The following CSMD1 variants were observed in gnomAD, a reference collection of about 807,000 sequenced individuals.
CSMD1 encodes the protein CUB and sushi domain-containing protein 1.
Under a neutral mutation model 417.5 loss-of-function variants are expected in CSMD1, and 213 were observed. The ratio of observed to expected loss-of-function variants is 0.51; its 90% CI spans 0.46 to 0.57. The LOEUF (loss-of-function observed/expected upper bound fraction) is 0.57. Among genes scored for constraint, CSMD1 ranks in the 20% least tolerant of loss-of-function variants. The pLI is 0.00. For missense variants in CSMD1, 6,923 were observed against 4,529.7 expected, an observed-to-expected ratio of 1.53 and a Z score of -15.17; for synonymous variants, 2,862 against 1,736.8, an observed-to-expected ratio of 1.65 and a Z score of -16.11.
chr8:4,422,761 C>A (rs1262735751), intron 2 of CSMD1, among the ~76,000 whole-genome samples: 1 of 151,984 alleles, frequency 6.6e-6, no homozygotes, highest in East Asian at 1.9e-4. Context: ...GTCTCTCATG[C>A]ATATAGATGC....
intron 1 of CSMD1, among the ~76,000 whole-genome samples, chr8:4,820,003 A>G (rs951922210): frequency 1.3e-5 from 2 of 152,164 alleles, no homozygotes; most frequent in African/African-American, 4.8e-5. Flanking sequence ...TAATTGTTCT[A>G]TTCATCAACA....
chr8:4,750,698 T>C (rs752608082), intron 1 of CSMD1, among the ~76,000 whole-genome samples: 1 of 152,100 alleles, frequency 6.6e-6, no homozygotes, highest in Non-Finnish European at 1.5e-5. Flanking sequence ...AACTGTGTAT[T>C]GAGTTTCCCA....
At chr8:3,912,961 G>C (rs150953370) in intron 5 of CSMD1, among the ~76,000 whole-genome samples, 1 of 152,278 alleles carries the variant, frequency 6.6e-6, no homozygotes, top group East Asian at 1.9e-4. Context: ...GGATTGAGAG[G>C]AGTAACCAAA....
At chr8:3,540,842 G>A (rs540268989) in intron 10 of CSMD1, among the ~76,000 whole-genome samples, 1 of 152,118 alleles carries the variant, frequency 6.6e-6, no homozygotes, top group East Asian at 1.9e-4. Context: ...ATCATTTCAT[G>A]CCAGTCAGAT....
chr8:3,244,525 G>A (rs192160302), intron 26 of CSMD1, among the ~76,000 whole-genome samples: 41 of 152,300 alleles, frequency 2.7e-4, no homozygotes, highest in Admixed American at 2.5e-3. Flanking sequence ...CTTTTACACT[G>A]TACATACATC....
At chr8:3,675,917 C>T (rs151231589) in intron 7 of CSMD1, among the ~76,000 whole-genome samples, 1 of 152,124 alleles carries the variant, frequency 6.6e-6, no homozygotes, top group South Asian at 2.1e-4. Context: ...CAGCACTGTC[C>T]CATCATTGGA....
At chr8:3,563,044 T>C (rs1259607584) in intron 10 of CSMD1, among the ~76,000 whole-genome samples, 3 of 152,086 alleles carry the variant, frequency 2.0e-5, no homozygotes, top group African/African-American at 4.8e-5. Flanking sequence ...GCAATGCCAT[T>C]CTTTGCTTGG....
At chr8:4,182,533 C>T (rs527366708) in intron 3 of CSMD1, among the ~76,000 whole-genome samples, 47 of 152,130 alleles carry the variant, frequency 3.1e-4, no homozygotes, top group African/African-American at 9.9e-4. Context: ...TATGCTCAAT[C>T]GATATTTGTT....
chr8:3,282,832 T>A (rs1430392282), intron 26 of CSMD1, among the ~76,000 whole-genome samples: 5 of 152,212 alleles, frequency 3.3e-5, no homozygotes, highest in African/African-American at 9.6e-5. Context: ...AACTCAATTT[T>A]CTTATGTAAA....
chr8:4,899,719 C>A (rs981998535), intron 1 of CSMD1, among the ~76,000 whole-genome samples: 7 of 152,168 alleles, frequency 4.6e-5, no homozygotes, highest in African/African-American at 1.7e-4. Flanking sequence ...CTAATCATAT[C>A]TCACTGGACC....
At chr8:4,468,927 G>C (rs1455963513) in intron 2 of CSMD1, among the ~76,000 whole-genome samples, 2 of 147,354 alleles carry the variant, frequency 1.4e-5, no homozygotes, top group African/African-American at 4.9e-5. Flanking sequence ...CTGGAAACAA[G>C]CTCATTCTGT....
intron 25 of CSMD1, among the ~76,000 whole-genome samples, chr8:3,301,971 CAT>C (rs1325016119): frequency 6.6e-6 from 1 of 151,928 alleles, no homozygotes; most frequent in African/African-American, 2.4e-5. Flanking sequence ...AAAGAAATCT[CAT>C]ATAATTTATC....
At chr8:4,446,151 T>A (rs1050171302) in intron 2 of CSMD1, among the ~76,000 whole-genome samples, 8 of 152,202 alleles carry the variant, frequency 5.3e-5, no homozygotes, top group African/African-American at 1.9e-4. Context: ...AGTTTTGAAC[T>A]GAAACCCATA....
At chr8:3,946,945 T>G (rs994287384) in intron 5 of CSMD1, among the ~76,000 whole-genome samples, 3 of 152,208 alleles carry the variant, frequency 2.0e-5, no homozygotes, top group Non-Finnish European at 4.4e-5. Flanking sequence ...AACTTTTGTA[T>G]AGATTTAAAA....
rs180734337 is a variant in CSMD1 at position 4,451,490 on chromosome 8, G to A, written c.303-31425C>T. 1.4e-4 allele frequency among the ~76,000 whole-genome samples: 21 copies of A among 152,248 alleles called. No homozygotes were observed. The East Asian group carries it at 3.5e-3, about 25-fold the overall frequency. On this transcript the variant is annotated intron_variant, in intron 2 of 69. Transcript: ENST00000635120. ...CACTCTCCTAAAGCTTACCCATAGA[G>A]AAATATTAAACAAGTTTTCTTATCA... is the stretch of plus-strand genomic sequence containing the variant.
chr8:3,193,942 C>T (rs1228336357), intron 33 of CSMD1, among the ~76,000 whole-genome samples: 2 of 152,262 alleles, frequency 1.3e-5, no homozygotes, highest in East Asian at 1.9e-4. Flanking sequence ...ACCACAACAA[C>T]AATCATAAAA....
chr8:3,758,956 T>C (rs1051756874), intron 5 of CSMD1, among the ~76,000 whole-genome samples: 1 of 152,232 alleles, frequency 6.6e-6, no homozygotes, highest in Non-Finnish European at 1.5e-5. Context: ...GAGTGACGCA[T>C]TGAGGGCTTC....
chr8:2,976,699 T>G lies in CSMD1; in HGVS notation c.8566+1913A>C, dbSNP rs549218776. Among the ~76,000 whole-genome samples the G allele has an allele frequency of 2.6e-5, 4 of 152,220 alleles. No individual in the cohort carries two copies. In the South Asian group the frequency reaches 8.3e-4, roughly 32 times the overall value. On this transcript the variant is annotated intron_variant, in intron 55 of 69. Transcript: ENST00000635120. Reference sequence around the variant, plus strand: ...GCATAGGACAAAGATCAGATTTTGATTTTAAGGATTGCTTTGCTTCTGCCT... The same window carrying G: ...GCATAGGACAAAGATCAGATTTTGAGTTTAAGGATTGCTTTGCTTCTGCCT...
At chr8:3,337,868 T>G (rs1447486967) in intron 23 of CSMD1, among the ~76,000 whole-genome samples, 1 of 152,206 alleles carries the variant, frequency 6.6e-6, no homozygotes, top group South Asian at 2.1e-4. Flanking sequence ...ATGATGTTTC[T>G]TCTACCTCTG....
Sources: allele counts gnomAD v4.1 joint callset (sites outside exome capture counted in the v4.1 genomes callset), GRCh38; gene constraint gnomAD v4.1.1; transcripts MANE v1.5; gene names NCBI Gene and HGNC (gene_info 2026-07-23, HGNC 2026-07-21).